GDE1: variants seen among roughly 807,000 people sequenced by gnomAD.
The protein encoded by GDE1 is RGS16-interacting membrane protein.
Under a neutral mutation model 32.2 loss-of-function variants are expected in GDE1, and 24 were observed. That is an observed-to-expected ratio of 0.75 (90% CI 0.54 to 1.05). The LOEUF (loss-of-function observed/expected upper bound fraction) is 1.05. Ranked by LOEUF, GDE1 falls within the 50% of genes least tolerant of loss-of-function variation. The pLI, the probability that GDE1 is intolerant of heterozygous loss-of-function variation, is 0.00. For synonymous variants in GDE1, 159 were observed against 158.6 expected, an observed-to-expected ratio of 1.00 and a Z score of -0.02; for missense variants, 380 against 415.0, an observed-to-expected ratio of 0.92 and a Z score of 0.73.
intron 1 of GDE1, 100 bp downstream of exon 1, chr16:19,521,604 A>G: frequency 7.6e-7 from 1 of 1,314,792 alleles, no homozygotes; most frequent in Non-Finnish European, 1.0e-6. Flanking sequence ...CGAATGAGGA[A>G]GTGGGAAGGC....
At chr16:19,509,844 G>A (rs1218493552) in intron 3 of GDE1, among the ~76,000 whole-genome samples, 1 of 151,774 alleles carries the variant, frequency 6.6e-6, no homozygotes, top group Non-Finnish European at 1.5e-5. Context: ...TATTTTTAGT[G>A]GAGACAGGGG....
In GDE1 at chr16:19,503,448, C is replaced by A. The variant is rs764064115; in HGVS notation, c.*22G>T. 25 of 1,610,196 alleles carry A rather than the reference C, an allele frequency of 1.6e-5. No homozygotes were observed. The East Asian group carries it at 1.8e-4, about 11-fold the overall frequency. Reference sequence around the variant, plus strand: ...TGAGGCCCCTGGCAGTTTCTGAACCCGTTTCGTCCCACCGTGAAAGTCTAG... The same window carrying A: ...TGAGGCCCCTGGCAGTTTCTGAACCAGTTTCGTCCCACCGTGAAAGTCTAG... On this transcript the variant is annotated 3_prime_UTR_variant, in exon 6 of 6. Transcript: ENST00000353258.
At chr16:19,512,076 A>G (rs1969325214) in intron 2 of GDE1, among the ~76,000 whole-genome samples, 1 of 152,124 alleles carries the variant, frequency 6.6e-6, no homozygotes, top group African/African-American at 2.4e-5. Flanking sequence ...TCTTTTGGAT[A>G]GATACCAACT....
At chr16:19,511,110 T>A (rs1387736413) in intron 2 of GDE1, among the ~76,000 whole-genome samples, 166 bp from the exon 3 acceptor site, 1 of 151,992 alleles carries the variant, frequency 6.6e-6, no homozygotes, top group East Asian at 1.9e-4. Flanking sequence ...AAGATTTTTT[T>A]TTTTTTTTTT....
At position 19,521,819 on chromosome 16, in the gene GDE1, G is replaced by C; in HGVS notation, c.146C>G (p.Pro49Arg). The change falls in exon 1 of 6, where the codon CCG becomes CGG. Residue 49 changes from proline (P) to arginine (R), a missense_variant. Pro to Arg is a moderately radical substitution (Grantham distance 103). Coordinates refer to ENST00000353258, the MANE Select transcript of GDE1 (RefSeq NM_016641.4). Reference sequence around the variant, plus strand: ...CTGCAGGGCCCTGCAAGAGGGCACCGGCTCAAAGCTGAAGACGCGCAGTAG... The same window carrying C: ...CTGCAGGGCCCTGCAAGAGGGCACCCGCTCAAAGCTGAAGACGCGCAGTAG... ...FVLLRVFSFE[P>R]VPSCRALQVL... The C allele has an allele frequency of 6.2e-7, 1 of 1,611,258 alleles. No homozygotes were observed. The highest frequency in any genetic ancestry group is 8.5e-7 in the Non-Finnish European group (1 of 1,179,294).
chr16:19,522,062 C>T lies in GDE1; in HGVS notation c.-98G>A. 7.8e-7 allele frequency: 1 copy of T among 1,284,844 alleles called. No individual in the cohort carries two copies. The highest frequency in any genetic ancestry group is 1.5e-5 in the South Asian group (1 of 67,626). The allele number at this position is 1,284,844 out of a possible 1,614,324, so 79.6% of individuals were successfully genotyped here. A position where few individuals can be genotyped will look rare whatever the true frequency, so the allele number is the denominator to read the frequency against. ...GGGGGAGGGTCCAAGGCACCGGCAGCAGCAGGAACCCTCTGAGGGGACCAG... is the reference window on the plus strand; with the variant it reads ...GGGGGAGGGTCCAAGGCACCGGCAGTAGCAGGAACCCTCTGAGGGGACCAG... On this transcript the variant is annotated 5_prime_UTR_variant, in exon 1 of 6. Transcript: ENST00000353258.
intron 2 of GDE1, 96 bp downstream of exon 2, chr16:19,516,918 A>G (rs1362242789): frequency 1.1e-5 from 12 of 1,068,542 alleles, no homozygotes; most frequent in Non-Finnish European, 1.7e-5. Context: ...ACAAAACAAG[A>G]CAACTCTCCT....
At position 19,501,948 on chromosome 16, in the gene GDE1, C is replaced by T. The variant is rs557743284; in HGVS notation, c.*1522G>A. 1.3e-5 allele frequency: 2 copies of T among 152,168 alleles called. No individual in the cohort carries two copies. Among genetic ancestry groups the T allele is most frequent in the Non-Finnish European group, 2.9e-5 (2 of 68,048 alleles). The allele number at this position is 152,168 out of a possible 1,614,324, so 9.4% of individuals were successfully genotyped here. A position where few individuals can be genotyped will look rare whatever the true frequency, so the allele number is the denominator to read the frequency against. ...GGGAAGCCATGGCTAAGCTGTGGGC[C>T]TGGACAAAGGCCACAGATGGGGTTG... On this transcript the variant is annotated 3_prime_UTR_variant, in exon 6 of 6. Coordinates refer to ENST00000353258, the MANE Select transcript of GDE1 (RefSeq NM_016641.4).
chr16:19,504,926 AG>A lies in GDE1; in HGVS notation c.802del (p.Leu268CysfsTer19). ...DWSMHNILWY[L>X]CGISAFLMQK... ...CATGAGGAAAGCTGAAATTCCACAC[AG>A]GTACCACAAGATATTATGCATGCTC... On this transcript the variant is annotated frameshift_variant, in exon 5 of 6. Coordinates refer to ENST00000353258, the MANE Select transcript of GDE1 (RefSeq NM_016641.4). LOFTEE classifies it high-confidence loss of function. 1 of 1,613,430 alleles carries A rather than the reference AG, an allele frequency of 6.2e-7. No homozygotes were observed. Among genetic ancestry groups the A allele is most frequent in the Non-Finnish European group, 8.5e-7 (1 of 1,179,508 alleles).
At chr16:19,504,791 A>G (rs942776070) in intron 5 of GDE1, 90 bp downstream of exon 5, 24 of 819,488 alleles carry the variant, frequency 2.9e-5, no homozygotes, top group Middle Eastern at 2.3e-4. Context: ...GGTCAGAACC[A>G]ATTCAGGTTG....
In GDE1 at chr16:19,521,864, A is replaced by G; in HGVS notation, c.101T>C (p.Leu34Pro). The change falls in exon 1 of 6, where the codon CTC becomes CCC. Residue 34 changes from leucine (L) to proline (P), a missense_variant. Physicochemically the swap from Leu to Pro is moderately conservative, Grantham distance 98 (BLOSUM62 -3). Transcript: ENST00000353258. ...CAGTAGAACGAAGAGGCTGCCGGTGAGGAGGCAGGCATTGACCGGGCTCCG... is the reference window on the plus strand; with the variant it reads ...CAGTAGAACGAAGAGGCTGCCGGTGGGGAGGCAGGCATTGACCGGGCTCCG... Reference protein sequence around the residue: ...VTRSPVNACLLTGSLFVLLRV... With the variant: ...VTRSPVNACLPTGSLFVLLRV... 6.2e-7 allele frequency: 1 copy of G among 1,607,214 alleles called. No individual in the cohort carries two copies. Among genetic ancestry groups the G allele is most frequent in the Non-Finnish European group, 8.5e-7 (1 of 1,177,738 alleles).
intron 3 of GDE1, among the ~76,000 whole-genome samples, chr16:19,510,319 C>T (rs1214877207): frequency 6.6e-6 from 1 of 152,068 alleles, no homozygotes; most frequent in Non-Finnish European, 1.5e-5. Context: ...AAAAACTATA[C>T]ATAAGGGATA....
chr16:19,512,721 G>A (rs1045179132), intron 2 of GDE1, among the ~76,000 whole-genome samples: 2 of 152,018 alleles, frequency 1.3e-5, no homozygotes, highest in South Asian at 2.1e-4. Flanking sequence ...TCCATTTTGT[G>A]TTGATTTTTT....
At chr16:19,519,449 C>CACATATAT (rs1465327136) in intron 1 of GDE1, among the ~76,000 whole-genome samples, 1 of 146,910 alleles carries the variant, frequency 6.8e-6, no homozygotes, top group East Asian at 2.1e-4. Context: ...TGTGTATGTG[C>CACATATAT]ATATATATAT....
chr16:19,521,854 GC>G lies in GDE1; in HGVS notation c.110del (p.Ser37ThrfsTer74). Reference protein sequence around the residue: ...SPVNACLLTGSLFVLLRVFSF... With the variant: ...SPVNACLLTGXLFVLLRVFSF... The stretch of plus-strand genomic sequence containing the variant: ...TGAAGACGCGCAGTAGAACGAAGAG[GC>G]TGCCGGTGAGGAGGCAGGCATTGAC... On this transcript the variant is annotated frameshift_variant, in exon 1 of 6. Coordinates refer to ENST00000353258, the MANE Select transcript of GDE1 (RefSeq NM_016641.4). LOFTEE classifies it high-confidence loss of function. 1 of 1,608,454 alleles carries G rather than the reference GC, an allele frequency of 6.2e-7. No individual in the cohort carries two copies. Among genetic ancestry groups the G allele is most frequent in the Non-Finnish European group, 8.5e-7 (1 of 1,178,226 alleles).
Position 19,503,346 on chromosome 16 carries a change from C to A in GDE1, c.*124G>T. On this transcript the variant is annotated 3_prime_UTR_variant, in exon 6 of 6. Transcript: ENST00000353258. ...TTTGGTTCAGGTAAAAATGCAGTGA[C>A]CAACTATTGCATTTGTGTGAGTCAC... 1 of 824,130 alleles carries A rather than the reference C, an allele frequency of 1.2e-6. No individual in the cohort carries two copies. Among genetic ancestry groups the A allele is most frequent in the Non-Finnish European group, 1.9e-6 (1 of 517,946 alleles). 51.1% of individuals were successfully genotyped at this position (824,130 alleles called of 1,614,324 possible). A position where few individuals can be genotyped will look rare whatever the true frequency, so the allele number is the denominator to read the frequency against.
At chr16:19,505,267 G>A (rs1969232706) in intron 4 of GDE1, 175 bp from the exon 5 acceptor site, 3 of 587,726 alleles carry the variant, frequency 5.1e-6, no homozygotes, top group Non-Finnish European at 9.1e-6. Flanking sequence ...TGTGAAGAAT[G>A]TAAAGCACTA....
chr16:19,503,388 T>C lies in GDE1; in HGVS notation c.*82A>G. ...GTGAGTCACCTGATTCCCCAGGGCC[T>C]GGGCTAGCACAAAGGGTATTTTGAT... On this transcript the variant is annotated 3_prime_UTR_variant, in exon 6 of 6. Transcript: ENST00000353258. 2 of 1,250,542 alleles carry C rather than the reference T, an allele frequency of 1.6e-6. No homozygotes were observed. The highest frequency in any genetic ancestry group is 1.5e-5 in the African/African-American group (1 of 66,828). The allele number at this position is 1,250,542 out of a possible 1,614,324, so 77.5% of individuals were successfully genotyped here.
At chr16:19,510,641 A>C (rs540316185) in intron 3 of GDE1, among the ~76,000 whole-genome samples, 198 bp downstream of exon 3, 1 of 152,332 alleles carries the variant, frequency 6.6e-6, no homozygotes, top group East Asian at 1.9e-4. Context: ...AGTTTCCATA[A>C]AAGGTTAAAA....
Sources: gnomAD v4.1 joint callset for allele counts (sites outside exome capture counted in the v4.1 genomes callset) on GRCh38, gnomAD v4.1.1 for gene constraint, MANE v1.5 for transcripts, NCBI Gene and HGNC (gene_info 2026-07-23, HGNC 2026-07-21) for gene names.